MYO1B: variants seen among roughly 807,000 people sequenced by gnomAD.
MYO1B encodes the protein myosin IB.
A neutral mutation model predicts 159.7 loss-of-function variants in MYO1B; 72 were observed. The ratio of observed to expected loss-of-function variants is 0.45; its 90% CI spans 0.37 to 0.55. The LOEUF (loss-of-function observed/expected upper bound fraction) is 0.55, where lower values mean the gene tolerates loss of function less well. Among genes scored for constraint, MYO1B ranks in the 20% least tolerant of loss-of-function variants. The probability of loss-of-function intolerance (pLI) is 0.00; values close to 1 mark genes in which losing one functional copy is unlikely to be tolerated. For missense variants in MYO1B, 1,062 were observed against 1,364.8 expected, an observed-to-expected ratio of 0.78 and a Z score of 3.50; for synonymous variants, 468 against 473.8, an observed-to-expected ratio of 0.99 and a Z score of 0.16.
chr2:191,402,683 G>A lies in MYO1B; in HGVS notation c.2521G>A (p.Val841Ile). The change falls in exon 24 of 31, where the codon GTT becomes ATT. Residue 841 changes from valine to isoleucine, a missense_variant. Transcript: ENST00000392318. ...GGAGGAGGCTAGGCGTAAGCATGCA[G>A]TTGCTGTCATTTGGGCTTACTGGCT... is the stretch of plus-strand genomic sequence containing the variant. ...LKEEARRKHA[V>I]AVIWAYWLGL... The A allele has an allele frequency of 6.2e-7, 1 of 1,613,712 alleles. No homozygotes were observed. Among genetic ancestry groups the A allele is most frequent in the Admixed American group, 1.7e-5 (1 of 60,006 alleles).
rs751149823 is a variant in MYO1B, at chr2:191,346,276, T to C, written c.492T>C (p.Ser164=). 15 of 1,569,916 alleles carry C rather than the reference T, an allele frequency of 9.6e-6. No individual in the cohort carries two copies. The highest frequency in any genetic ancestry group is 1.3e-5 in the Non-Finnish European group (15 of 1,156,454). Residue 164 remains serine (S), a synonymous_variant, in exon 6 of 31, where the codon TCT becomes TCC. Transcript: ENST00000392318. ...AAACTGTAAGGAATGACAACTCCTC[T>C]AGATTTGTAAGTATTTGTATAAGCA... ...NAKTVRNDNS[S]RFGKYMDIEF...
chr2:191,369,162 C>T (rs1315912865), intron 11 of MYO1B, among the ~76,000 whole-genome samples: 1 of 152,070 alleles, frequency 6.6e-6, no homozygotes, highest in African/African-American at 2.4e-5. Context: ...ATTTCATTAC[C>T]TGATTTTCAT....
intron 21 of MYO1B, among the ~76,000 whole-genome samples, chr2:191,399,155 A>G (rs536880040): frequency 0.031 from 4,667 of 152,094 alleles, 131 homozygotes; most frequent in Admixed American, 0.06. Flanking sequence ...AATCGCAGGC[A>G]CTCGGCAGGC....
At chr2:191,410,140 C>T (rs1424404002) in intron 26 of MYO1B, among the ~76,000 whole-genome samples, 1 of 152,322 alleles carries the variant, frequency 6.6e-6, no homozygotes, top group South Asian at 2.1e-4. Context: ...TTTCTTGAGT[C>T]TAACCCAGAA....
At chr2:191,263,043 C>T (rs1686919185) in intron 1 of MYO1B, 1 of 152,088 alleles carries the variant, frequency 6.6e-6, no homozygotes, top group South Asian at 2.1e-4. Flanking sequence ...GTAGATGTGT[C>T]TCTCATTCTT....
chr2:191,323,158 T>C (rs183787733), intron 3 of MYO1B, among the ~76,000 whole-genome samples: 297 of 152,258 alleles, frequency 2.0e-3, no homozygotes, highest in African/African-American at 7.1e-3. Flanking sequence ...AATTAGTGTG[T>C]AATGAGCAGT....
At chr2:191,396,750 TAC>T (rs1696100951) in intron 21 of MYO1B, among the ~76,000 whole-genome samples, 1 of 152,208 alleles carries the variant, frequency 6.6e-6, no homozygotes, top group East Asian at 1.9e-4. Flanking sequence ...ATAATACCCG[TAC>T]ATGATTTCAG....
intron 8 of MYO1B, 33 bp downstream of exon 8, chr2:191,360,762 G>C: frequency 8.0e-7 from 1 of 1,245,680 alleles, no homozygotes; most frequent in South Asian, 1.3e-5. Context: ...TGTTGTTGTT[G>C]TTGTTGTTGT....
intron 13 of MYO1B, among the ~76,000 whole-genome samples, chr2:191,379,109 T>C (rs1159632456): frequency 1.8e-4 from 28 of 152,216 alleles, no homozygotes; most frequent in Admixed American, 1.8e-3. Context: ...TGGATATGGG[T>C]CTTGATCCAA....
chr2:191,406,134 T>C (rs990753808), intron 24 of MYO1B, among the ~76,000 whole-genome samples: 8 of 152,204 alleles, frequency 5.3e-5, no homozygotes, highest in Non-Finnish European at 1.0e-4. Context: ...GAAAAGTTAA[T>C]AAACTTTTCT....
rs73981519 is a variant in MYO1B at position 191,249,687 on chromosome 2, T to G, written c.-10+4061T>G. ...CAAATGGAAAAGTCAATATTAGGTT[T>G]TTGTTGTTGTTGTTGTTTCTAAGAT... On this transcript the variant is annotated intron_variant, in intron 1 of 30. Transcript: ENST00000392318. 5.3e-3 allele frequency among the ~76,000 whole-genome samples: 804 copies of G among 152,274 alleles called. 10 individuals carry two copies. The highest frequency in any genetic ancestry group is 0.018 in the African/African-American group (760 of 41,558).
intron 5 of MYO1B, among the ~76,000 whole-genome samples, chr2:191,343,540 A>G (rs1692363767): frequency 6.6e-6 from 1 of 152,234 alleles, no homozygotes; most frequent in Non-Finnish European, 1.5e-5. Context: ...CAATATCTTA[A>G]TAACGAAGCT....
intron 7 of MYO1B, among the ~76,000 whole-genome samples, chr2:191,350,806 TA>T (rs766542565): frequency 4.2e-4 from 54 of 127,220 alleles, no homozygotes; most frequent in South Asian, 5.8e-4. Context: ...TGTGAAAAGT[TA>T]AAAAAAAAAA....
chr2:191,346,332 A>G, intron 6 of MYO1B, 50 bp downstream of exon 6: 2 of 1,256,346 alleles, frequency 1.6e-6, no homozygotes, highest in Non-Finnish European at 2.2e-6. Context: ...TAGCTCATGT[A>G]TGTTTAAACA....
chr2:191,380,381 C>T (rs1574556876), intron 13 of MYO1B, among the ~76,000 whole-genome samples: 1 of 152,186 alleles, frequency 6.6e-6, no homozygotes, highest in Admixed American at 6.5e-5. Flanking sequence ...TGTGGGCTCT[C>T]CTTCCTCATT....
intron 29 of MYO1B, 91 bp downstream of exon 29, chr2:191,414,760 A>G: frequency 7.1e-7 from 1 of 1,403,940 alleles, no homozygotes. Flanking sequence ...CAGTTTATAT[A>G]TCTGCCTTGC....
chr2:191,264,216 A>G (rs187132354), intron 1 of MYO1B, among the ~76,000 whole-genome samples: 150 of 152,280 alleles, frequency 9.9e-4, no homozygotes, highest in Admixed American at 2.0e-3. Flanking sequence ...TTTTTGGAAC[A>G]TCTTAGCTAT....
intron 4 of MYO1B, among the ~76,000 whole-genome samples, chr2:191,333,637 CTT>C (rs1480389264): frequency 6.6e-6 from 1 of 152,124 alleles, no homozygotes; most frequent in Non-Finnish European, 1.5e-5. Flanking sequence ...TCCTTTCTCT[CTT>C]GATTACCCCT....
chr2:191,317,270 C>T (rs1437563693), intron 3 of MYO1B, among the ~76,000 whole-genome samples: 1 of 151,776 alleles, frequency 6.6e-6, no homozygotes, highest in Non-Finnish European at 1.5e-5. Context: ...AAAAGTGATA[C>T]TTGTTCAAAG....
Sources: allele counts gnomAD v4.1 joint callset (sites outside exome capture counted in the v4.1 genomes callset), GRCh38; gene constraint gnomAD v4.1.1; transcripts MANE v1.5; gene names NCBI Gene and HGNC (gene_info 2026-07-23, HGNC 2026-07-21).